Variants in POU2F1 observed in about 807,000 individuals in gnomAD.
POU2F1 encodes the protein POU domain, class 2, transcription factor 1.
POU2F1 carries 16 observed loss-of-function variants against 84.9 expected under a neutral mutation model. That is an observed-to-expected ratio of 0.19 (90% confidence interval 0.13 to 0.29). POU2F1 has a LOEUF of 0.29. Among genes scored for constraint, POU2F1 ranks in the 10% least tolerant of loss-of-function variants. The probability of loss-of-function intolerance (pLI) is 1.00; values close to 1 mark genes in which losing one functional copy is unlikely to be tolerated. For missense variants in POU2F1, 738 were observed against 942.6 expected (o/e 0.78, Z 2.84); for synonymous variants, 368 against 368.3 (o/e 1.00, Z 0.01).
chr1:167,264,966 A>G (rs1024402941), intron 1 of POU2F1, among the ~76,000 whole-genome samples: 1 of 152,120 alleles, frequency 6.6e-6, no homozygotes, highest in African/African-American at 2.4e-5. Context: ...CATGTAGTTC[A>G]CTTCCTAACC....
At chr1:167,239,037 A>G (rs1321317924) in intron 1 of POU2F1, among the ~76,000 whole-genome samples, 1 of 152,102 alleles carries the variant, frequency 6.6e-6, no homozygotes, top group Admixed American at 6.5e-5. Flanking sequence ...TTTCTCCACC[A>G]TTCTTTTTTG....
At chr1:167,400,901 A>G (rs1334685708) in intron 12 of POU2F1, among the ~76,000 whole-genome samples, 1 of 152,216 alleles carries the variant, frequency 6.6e-6, no homozygotes, top group African/African-American at 2.4e-5. Context: ...GTTATGAGAT[A>G]GTTATGAAAA....
intron 1 of POU2F1, among the ~76,000 whole-genome samples, chr1:167,238,612 A>G (rs1184179314): frequency 6.6e-6 from 1 of 152,200 alleles, no homozygotes; most frequent in African/African-American, 2.4e-5. Flanking sequence ...TTGGTGGGAG[A>G]TGAGGATATT....
chr1:167,407,899 T>C (rs190246836), intron 13 of POU2F1, among the ~76,000 whole-genome samples: 12 of 152,128 alleles, frequency 7.9e-5, no homozygotes, highest in Non-Finnish European at 1.6e-4. Flanking sequence ...AAAAAAAAAT[T>C]AGTAAATTCA....
intron 8 of POU2F1, among the ~76,000 whole-genome samples, chr1:167,388,109 A>G (rs1332492949): frequency 6.6e-6 from 1 of 152,224 alleles, no homozygotes; most frequent in Non-Finnish European, 1.5e-5. Context: ...CTTCCTTTAT[A>G]AAATTTGAGG....
chr1:167,280,642 T>A (rs1042760914), intron 1 of POU2F1, among the ~76,000 whole-genome samples: 2 of 152,214 alleles, frequency 1.3e-5, no homozygotes, highest in African/African-American at 4.8e-5. Flanking sequence ...TTGAAATGAT[T>A]TTGATTTAGC....
chr1:167,315,610 T>TA (rs893336198), intron 1 of POU2F1, among the ~76,000 whole-genome samples: 9 of 151,750 alleles, frequency 5.9e-5, no homozygotes, highest in South Asian at 2.1e-4. Flanking sequence ...GACTTGTCTC[T>TA]AAAAAAAATT....
chr1:167,294,612 A>G (rs926728489), intron 1 of POU2F1, among the ~76,000 whole-genome samples: 2 of 152,228 alleles, frequency 1.3e-5, no homozygotes, highest in Admixed American at 1.3e-4. Flanking sequence ...TGAGTAGATG[A>G]CAGGAGTAGA....
At chr1:167,321,561 G>T (rs971529447) in intron 1 of POU2F1, among the ~76,000 whole-genome samples, 1 of 152,270 alleles carries the variant, frequency 6.6e-6, no homozygotes, top group South Asian at 2.1e-4. Flanking sequence ...GGAGGAAAAT[G>T]TTGGAGCTAT....
intron 5 of POU2F1, 145 bp downstream of exon 5, chr1:167,372,181 G>A (rs1660052184): frequency 4.0e-6 from 4 of 1,009,604 alleles, no homozygotes; most frequent in Non-Finnish European, 5.7e-6. Context: ...TTCCTACACT[G>A]TAGGTAGTAA....
In POU2F1 at chr1:167,305,541, T is replaced by C. The variant is rs183682738; in HGVS notation, c.62-26929T>C. 2.0e-5 allele frequency among the ~76,000 whole-genome samples: 3 copies of C among 152,330 alleles called. No individual in the cohort carries two copies. The East Asian group carries it at 5.8e-4, about 29-fold the overall frequency. The stretch of plus-strand genomic sequence containing the variant: ...ATACCTCTTTTAATAGCTCATATCA[T>C]GTAACCGTTTATTCCTGGTACGGTG... On this transcript the variant is annotated intron_variant, in intron 1 of 15. Coordinates refer to ENST00000367866, the MANE Select transcript of POU2F1 (RefSeq NM_002697.4).
rs747697600 is a variant in POU2F1, at chr1:167,415,694, G to A, written c.2185G>A (p.Val729Ile). The A allele has an allele frequency of 6.2e-7, 1 of 1,614,138 alleles. No individual in the cohort carries two copies. The highest frequency in any genetic ancestry group is 8.5e-7 in the Non-Finnish European group (1 of 1,180,018). ...AGCATCTGCAGGGAACTCTGCACCT[G>A]TAGCCAGCCTTCACGCCACCTCCAC... ...AAASAGNSAPVASLHATSTSA... is the reference protein window; with the variant it reads ...AAASAGNSAPIASLHATSTSA... Residue 729 changes from valine (V) to isoleucine (I), a missense_variant, in exon 16 of 16, where the codon GTA becomes ATA. Val to Ile is a conservative substitution (Grantham distance 29). This residue lies in a region of POU2F1 where 319 missense variants were observed against 386.0 expected (regional missense o/e 0.83). Coordinates refer to ENST00000367866, the MANE Select transcript of POU2F1 (RefSeq NM_002697.4).
intron 1 of POU2F1, among the ~76,000 whole-genome samples, chr1:167,301,666 T>A (rs958577335): frequency 1.3e-5 from 2 of 152,174 alleles, no homozygotes; most frequent in Non-Finnish European, 2.9e-5. Flanking sequence ...AGAAAGAGCT[T>A]GTTAGTTTGT....
chr1:167,320,028 C>T (rs1306203218), intron 1 of POU2F1, among the ~76,000 whole-genome samples: 1 of 152,178 alleles, frequency 6.6e-6, no homozygotes, highest in Non-Finnish European at 1.5e-5. Context: ...TGATTCCCTG[C>T]AGTCAAAGGT....
intron 1 of POU2F1, among the ~76,000 whole-genome samples, chr1:167,280,313 AT>A (rs539166486): frequency 0.013 from 1,834 of 145,376 alleles, 14 homozygotes; most frequent in South Asian, 0.027. Context: ...TTTGAGCTTG[AT>A]TTTTTTTTTT....
chr1:167,335,030 C>T (rs767769988), intron 2 of POU2F1, among the ~76,000 whole-genome samples: 16 of 152,060 alleles, frequency 1.1e-4, no homozygotes, highest in Admixed American at 8.5e-4. Context: ...TGTGTTGATA[C>T]GTTAATTCTA....
chr1:167,260,124 C>T (rs189200054), intron 1 of POU2F1, among the ~76,000 whole-genome samples: 52 of 152,264 alleles, frequency 3.4e-4, no homozygotes, highest in African/African-American at 1.2e-3. Flanking sequence ...GTGATCCGCC[C>T]GCCTCAGCTT....
intron 5 of POU2F1, among the ~76,000 whole-genome samples, chr1:167,373,412 G>A (rs1660131990): frequency 6.6e-6 from 1 of 152,222 alleles, no homozygotes; most frequent in African/African-American, 2.4e-5. Flanking sequence ...GTAAGAGGGA[G>A]TTGGGATTCT....
chr1:167,414,854 CA>C, intron 15 of POU2F1: 1 of 607,348 alleles, frequency 1.6e-6, no homozygotes, highest in Non-Finnish European at 2.1e-6. Flanking sequence ...AGCCTTTTTG[CA>C]AGATGATTTT....
Sources: allele counts gnomAD v4.1 joint callset (sites outside exome capture counted in the v4.1 genomes callset), GRCh38; gene constraint gnomAD v4.1.1; regional missense constraint gnomAD v4.1.1; transcripts MANE v1.5; gene names NCBI Gene and HGNC (gene_info 2026-07-23, HGNC 2026-07-21).